RASA2: variants seen among roughly 807,000 people sequenced by gnomAD.
RASA2 encodes the protein ras GTPase-activating protein 2.
In RASA2, 155 loss-of-function variants were observed where a neutral mutation model predicts 118.2. The observed-to-expected ratio is 1.31, with a 90% CI of 1.15 to 1.50. The LOEUF (loss-of-function observed/expected upper bound fraction) is 1.50, where lower values mean the gene tolerates loss of function less well. RASA2 is among the 40% of genes most tolerant of loss of function. The pLI is 0.00. For missense variants in RASA2, 1,016 were observed against 1,009.6 expected, an observed-to-expected ratio of 1.01 and a Z score of -0.09; for synonymous variants, 353 against 349.1, an observed-to-expected ratio of 1.01 and a Z score of -0.12.
chr3:141,502,776 G>T (rs1415132699), intron 1 of RASA2, among the ~76,000 whole-genome samples: 1 of 152,050 alleles, frequency 6.6e-6, no homozygotes. Flanking sequence ...CTTAACTTTG[G>T]ATCATCTTGT....
chr3:141,581,282 G>A, intron 17 of RASA2, 105 bp downstream of exon 17: 1 of 902,308 alleles, frequency 1.1e-6, no homozygotes, highest in Non-Finnish European at 1.5e-6. Context: ...AAATAATAAT[G>A]TTTAAACTGT....
chr3:141,517,603 A>T (rs1054088553), intron 3 of RASA2, among the ~76,000 whole-genome samples: 2 of 152,190 alleles, frequency 1.3e-5, no homozygotes, highest in African/African-American at 2.4e-5. Flanking sequence ...ACAGTTTGCC[A>T]TGACATTTTC....
At chr3:141,499,685 C>T (rs1241230524) in intron 1 of RASA2, among the ~76,000 whole-genome samples, 1 of 152,126 alleles carries the variant, frequency 6.6e-6, no homozygotes, top group Non-Finnish European at 1.5e-5. Flanking sequence ...CTGCAACCTC[C>T]ACCTCCCAGG....
intron 1 of RASA2, among the ~76,000 whole-genome samples, chr3:141,503,678 A>C (rs577359236): frequency 4.6e-5 from 7 of 152,086 alleles, no homozygotes; most frequent in African/African-American, 7.2e-5. Flanking sequence ...TAGGCCATAC[A>C]TTTTTACTTA....
intron 9 of RASA2, among the ~76,000 whole-genome samples, chr3:141,562,655 A>C (rs946549970): frequency 1.2e-5 from 1 of 83,872 alleles, no homozygotes; most frequent in African/African-American, 3.6e-5. Context: ...AACAACACAC[A>C]AAAAAAAACC....
intron 1 of RASA2, among the ~76,000 whole-genome samples, chr3:141,506,133 A>T (rs2081862731): frequency 6.6e-6 from 1 of 152,272 alleles, no homozygotes; most frequent in Admixed American, 6.5e-5. Context: ...AAAAGTGCTT[A>T]AGGAGTACCA....
chr3:141,498,635 G>A (rs2081736132), intron 1 of RASA2, among the ~76,000 whole-genome samples: 1 of 152,000 alleles, frequency 6.6e-6, no homozygotes, highest in East Asian at 1.9e-4. Context: ...TTCTTTATGT[G>A]TCTAGGTGTC....
chr3:141,508,410 G>A (rs1327077257), intron 1 of RASA2, among the ~76,000 whole-genome samples: 3 of 151,816 alleles, frequency 2.0e-5, no homozygotes, highest in African/African-American at 7.3e-5. Context: ...ATTGAGACAG[G>A]GTCTTGCTCT....
chr3:141,582,184 T>C (rs753785364), intron 17 of RASA2, among the ~76,000 whole-genome samples: 1 of 152,212 alleles, frequency 6.6e-6, no homozygotes, highest in Non-Finnish European at 1.5e-5. Flanking sequence ...AGATACATGT[T>C]TGAGCCTTTT....
At chr3:141,572,836 G>T in intron 12 of RASA2, 113 bp downstream of exon 12, 2 of 868,908 alleles carry the variant, frequency 2.3e-6, no homozygotes, top group Non-Finnish European at 3.5e-6. Context: ...TGAAAAAATA[G>T]ACTGAACACT....
chr3:141,571,380 C>CT (rs1560040929), intron 10 of RASA2, 26 bp from the exon 11 acceptor site: 1 of 1,600,660 alleles, frequency 6.2e-7, no homozygotes, highest in Non-Finnish European at 8.5e-7. Context: ...GATGTTTGTG[C>CT]TTGTTTTCTA....
At chr3:141,495,711 A>G (rs1358555433) in intron 1 of RASA2, among the ~76,000 whole-genome samples, 1 of 152,224 alleles carries the variant, frequency 6.6e-6, no homozygotes, top group Non-Finnish European at 1.5e-5. Flanking sequence ...ACTTCTACCT[A>G]TTTGCCCTGC....
chr3:141,575,105 A>G (rs1033237475), intron 14 of RASA2, among the ~76,000 whole-genome samples: 3 of 152,210 alleles, frequency 2.0e-5, no homozygotes, highest in Middle Eastern at 3.2e-3. Flanking sequence ...GGTGGTGGGT[A>G]GGAGGGTAAA....
At position 141,487,250 on chromosome 3, in the gene RASA2, C is replaced by G. The variant is rs747476976; in HGVS notation, c.133+34C>G. On this transcript the variant is annotated intron_variant, in intron 1 of 23. Transcript: ENST00000286364. ...GGGCTGGGCTGAGGGGACGCCCTGGCGGCGCTGGGCGCGAGGCTGAGGGGG... is the reference window on the plus strand; with the variant it reads ...GGGCTGGGCTGAGGGGACGCCCTGGGGGCGCTGGGCGCGAGGCTGAGGGGG... The G allele has an allele frequency of 7.8e-6, 10 of 1,283,396 alleles. No homozygotes were observed. The Admixed American group carries it at 2.2e-4, about 28-fold the overall frequency. 79.5% of individuals were successfully genotyped at this position (1,283,396 alleles called of 1,614,324 possible).
At position 141,499,022 on chromosome 3, in the gene RASA2, C is replaced by T. The variant is rs560082748; in HGVS notation, c.133+11806C>T. 4.6e-5 allele frequency among the ~76,000 whole-genome samples: 7 copies of T among 152,288 alleles called. No individual in the cohort carries two copies. The South Asian group carries it at 8.3e-4, about 18-fold the overall frequency. ...GAAGATCCTGCCCGCAACTTGGTGA[C>T]GTATCTATATAACCCATAGACACTT... On this transcript the variant is annotated intron_variant, in intron 1 of 23. Transcript: ENST00000286364.
chr3:141,568,450 C>T (rs1465551924), intron 9 of RASA2, among the ~76,000 whole-genome samples: 2 of 151,126 alleles, frequency 1.3e-5, no homozygotes, highest in African/African-American at 2.4e-5. Context: ...CTAAGAGAAG[C>T]GGAGGTGCAG....
chr3:141,492,757 T>G (rs1559986502), intron 1 of RASA2, among the ~76,000 whole-genome samples: 1 of 152,242 alleles, frequency 6.6e-6, no homozygotes, highest in African/African-American at 2.4e-5. Context: ...ATTCACTGTT[T>G]TAAAAATATT....
At chr3:141,542,190 C>T (rs898939938) in intron 5 of RASA2, among the ~76,000 whole-genome samples, 11 of 152,046 alleles carry the variant, frequency 7.2e-5, no homozygotes, top group Non-Finnish European at 1.5e-4. Context: ...TCAGTTCCCT[C>T]TCCCCACACC....
intron 17 of RASA2, among the ~76,000 whole-genome samples, chr3:141,583,093 C>G (rs1036816025): frequency 4.6e-5 from 7 of 152,112 alleles, no homozygotes; most frequent in African/African-American, 1.7e-4. Context: ...TCACTTATAT[C>G]TCTGTATTTA....
Sources: allele counts gnomAD v4.1 joint callset (sites outside exome capture counted in the v4.1 genomes callset), GRCh38; gene constraint gnomAD v4.1.1; transcripts MANE v1.5; gene names NCBI Gene and HGNC (gene_info 2026-07-23, HGNC 2026-07-21).